Variants in KLF12 observed in about 807,000 individuals in gnomAD.
KLF12 encodes the protein KLF transcription factor 12.
KLF12 carries 9 observed loss-of-function variants against 37.8 expected under a neutral mutation model. That is an observed-to-expected ratio of 0.24 (90% CI 0.14 to 0.42). The LOEUF (loss-of-function observed/expected upper bound fraction) is 0.42, where lower values mean the gene tolerates loss of function less well. Among genes scored for constraint, KLF12 ranks in the 10% least tolerant of loss-of-function variants. The pLI is 1.00. For synonymous variants in KLF12, 208 were observed against 202.1 expected, an observed-to-expected ratio of 1.03 and a Z score of -0.25; for missense variants, 411 against 516.0, an observed-to-expected ratio of 0.80 and a Z score of 1.97.
chr13:74,076,985 A>C (rs1874599829), intron 1 of KLF12, among the ~76,000 whole-genome samples: 1 of 152,172 alleles, frequency 6.6e-6, no homozygotes, highest in Non-Finnish European at 1.5e-5. Flanking sequence ...CTCATTCTTT[A>C]TTATGGCTGC....
chr13:73,826,074 G>A (rs936539882), intron 4 of KLF12, among the ~76,000 whole-genome samples: 21 of 151,930 alleles, frequency 1.4e-4, no homozygotes, highest in Admixed American at 2.6e-4. Context: ...CTGGGTTCAC[G>A]CTATTCTCCT....
intron 1 of KLF12, among the ~76,000 whole-genome samples, chr13:74,037,203 CAA>C (rs200460958): frequency 2.3e-3 from 162 of 69,738 alleles, no homozygotes; most frequent in African/African-American, 6.0e-3. Flanking sequence ...ACTCCGTCTC[CAA>C]AAAAAAAAAA....
chr13:73,987,110 G>T (rs576815594), intron 2 of KLF12, among the ~76,000 whole-genome samples: 1 of 151,998 alleles, frequency 6.6e-6, no homozygotes, highest in Non-Finnish European at 1.5e-5. Flanking sequence ...TCTTAAATTG[G>T]AATTTTGAGA....
At chr13:74,268,093 T>G in the KLF12 span, among the ~76,000 whole-genome samples, 2 of 152,158 alleles carry the variant, frequency 1.3e-5, no homozygotes, top group Non-Finnish European at 2.9e-5. Context: ...GAGAATGAAT[T>G]TTTGTTGTTT....
chr13:73,729,372 T>C (rs1293636206), intron 6 of KLF12, among the ~76,000 whole-genome samples: 3 of 152,232 alleles, frequency 2.0e-5, no homozygotes, highest in Non-Finnish European at 2.9e-5. Context: ...CAGTGTATAC[T>C]GTAAAATACT....
At chr13:73,805,660 GGA>G (rs1882555491) in intron 5 of KLF12, among the ~76,000 whole-genome samples, 2 of 50,686 alleles carry the variant, frequency 3.9e-5, no homozygotes, top group African/African-American at 2.1e-4. Flanking sequence ...GAGGAAGGAA[GGA>G]AGGAAGGAAG....
chr13:73,831,263 C>G (rs982001393), intron 4 of KLF12, among the ~76,000 whole-genome samples: 1 of 152,142 alleles, frequency 6.6e-6, no homozygotes, highest in Non-Finnish European at 1.5e-5. Context: ...CTCTACCACT[C>G]TTAAGCTGTG....
chr13:74,118,047 C>A (rs1877413003), intron 1 of KLF12, among the ~76,000 whole-genome samples: 1 of 151,868 alleles, frequency 6.6e-6, no homozygotes, highest in Non-Finnish European at 1.5e-5. Context: ...CATGGTAATT[C>A]TACTAAGTGT....
At position 74,034,793 on chromosome 13, in the gene KLF12, G is replaced by A. The variant is rs189173611; in HGVS notation, c.-31-39740C>T. ...AAGCATAATGCCTAGGCAAACTGCT[G>A]TATTAAGATGCTATAGAAGAGGATT... is the stretch of plus-strand genomic sequence containing the variant. On this transcript the variant is annotated intron_variant, in intron 1 of 7. Transcript: ENST00000377669. Among the ~76,000 whole-genome samples the A allele has an allele frequency of 2.2e-3, 336 of 152,362 alleles. 4 individuals are homozygous for A. The highest frequency in any genetic ancestry group is 7.4e-3 in the African/African-American group (309 of 41,588).
the KLF12 span, among the ~76,000 whole-genome samples, chr13:74,171,636 A>T: frequency 6.6e-6 from 1 of 152,204 alleles, no homozygotes; most frequent in Non-Finnish European, 1.5e-5. Flanking sequence ...AGTTATTTTC[A>T]TCATTACATA....
intron 5 of KLF12, among the ~76,000 whole-genome samples, chr13:73,774,059 A>G (rs1880433276): frequency 6.6e-6 from 1 of 152,098 alleles, no homozygotes; most frequent in Non-Finnish European, 1.5e-5. Context: ...GATAAAAAGT[A>G]AGAACTATTT....
chr13:74,290,848 A>G, the KLF12 span, among the ~76,000 whole-genome samples: 7 of 152,252 alleles, frequency 4.6e-5, no homozygotes, highest in Admixed American at 1.3e-4. Context: ...ATTGGATGCT[A>G]GCTCCGTTTG....
intron 1 of KLF12, among the ~76,000 whole-genome samples, chr13:74,037,840 A>C (rs1893298010): frequency 6.6e-6 from 1 of 152,206 alleles, no homozygotes; most frequent in Admixed American, 6.5e-5. Flanking sequence ...GCTGTCTCTT[A>C]ATAACAGAAA....
intron 3 of KLF12, among the ~76,000 whole-genome samples, chr13:73,887,150 GTGCTACTGAA>G (rs1228884346): frequency 1.3e-5 from 2 of 152,270 alleles, no homozygotes; most frequent in East Asian, 3.8e-4. Context: ...GGTGATACAT[GTGCTACTGAA>G]CAAATATAAC....
the KLF12 span, among the ~76,000 whole-genome samples, chr13:74,159,711 A>G: frequency 1.3e-5 from 2 of 152,148 alleles, no homozygotes; most frequent in Non-Finnish European, 2.9e-5. Context: ...TTTCAGGTAG[A>G]CATTTCTATC....
intron 3 of KLF12, among the ~76,000 whole-genome samples, chr13:73,940,532 T>C (rs1890142115): frequency 6.6e-6 from 1 of 152,170 alleles, no homozygotes; most frequent in Non-Finnish European, 1.5e-5. Flanking sequence ...AATGCGTATT[T>C]CCAATATTTA....
upstream of KLF12, among the ~76,000 whole-genome samples, chr13:74,135,910 T>G (rs1044902808): frequency 1.3e-5 from 2 of 151,940 alleles, no homozygotes; most frequent in Non-Finnish European, 2.9e-5. Context: ...GGTGTGGCGG[T>G]TTCCAGCCAC....
At chr13:74,172,935 G>A in the KLF12 span, among the ~76,000 whole-genome samples, 2 of 152,142 alleles carry the variant, frequency 1.3e-5, no homozygotes, top group African/African-American at 4.8e-5. Flanking sequence ...TGGAAAAAGT[G>A]CCCACGTCTA....
At chr13:74,167,521 T>G in the KLF12 span, among the ~76,000 whole-genome samples, 2 of 152,254 alleles carry the variant, frequency 1.3e-5, no homozygotes, top group Non-Finnish European at 2.9e-5. Context: ...ATAAAAATTT[T>G]GATGGGATTC....
Sources: gnomAD v4.1 joint callset for allele counts (sites outside exome capture counted in the v4.1 genomes callset) on GRCh38, gnomAD v4.1.1 for gene constraint, MANE v1.5 for transcripts, NCBI Gene and HGNC (gene_info 2026-07-23, HGNC 2026-07-21) for gene names.